The following NUP107 variants were observed in gnomAD, a reference collection of about 807,000 sequenced individuals.
NUP107 encodes nuclear pore complex protein Nup107.
In NUP107, 101 loss-of-function variants were observed where a neutral mutation model predicts 141.0. The ratio of observed to expected loss-of-function variants is 0.72; its 90% CI spans 0.61 to 0.84. NUP107 has a LOEUF of 0.84. NUP107 is among the 40% of genes least tolerant of loss of function. NUP107 has a pLI of 0.00. For synonymous variants in NUP107, 319 were observed against 363.9 expected (o/e 0.88, Z 1.41); for missense variants, 941 against 1,102.7 (o/e 0.85, Z 2.08).
intron 10 of NUP107, 46 bp from the exon 11 acceptor site, chr12:68,713,684 A>T: frequency 7.5e-7 from 1 of 1,329,348 alleles, no homozygotes; most frequent in Non-Finnish European, 1.1e-6. Flanking sequence ...AAATAGACCT[A>T]TTAAAATTAC....
chr12:68,742,418 C>G lies in NUP107; in HGVS notation c.2734C>G (p.Leu912Val). The G allele has an allele frequency of 1.2e-6, 2 of 1,609,270 alleles. No individual in the cohort carries two copies. The highest frequency in any genetic ancestry group is 8.5e-7 in the Non-Finnish European group (1 of 1,177,162). Residue 912 changes from leucine (L) to valine (V), a missense_variant, in exon 28 of 28, where the codon CTA (leucine) becomes GTA (valine). Coordinates refer to ENST00000229179, the MANE Select transcript of NUP107 (RefSeq NM_020401.4). ...GCTCAGAGAGTCCTCTCTAATGCTC[C>G]TAGACCAGGGACTTGACCCATTAGG... The part of the protein sequence containing the change: ...QKLRESSLML[L>V]DQGLDPLGYE...
In NUP107 at chr12:68,689,532, G is replaced by A; in HGVS notation, c.101-1G>A. The A allele has an allele frequency of 1.3e-6, 2 of 1,595,958 alleles. No homozygotes were observed. The highest frequency in any genetic ancestry group is 1.1e-5 in the South Asian group (1 of 89,612). ...AAAACTTTTCTTAACTCGTTGTACA[G>A]TTCAGGCATCTCAAGATGAAAATTT... On this transcript the variant is annotated splice_acceptor_variant, in intron 2 of 27. Transcript: ENST00000229179. LOFTEE classifies it high-confidence loss of function.
intron 26 of NUP107, among the ~76,000 whole-genome samples, chr12:68,737,457 C>A (rs903284646): frequency 6.7e-6 from 1 of 149,404 alleles, no homozygotes; most frequent in Non-Finnish European, 1.5e-5. Flanking sequence ...GTCCCAGCTA[C>A]TAGTGAGGCA....
At chr12:68,696,793 C>CTTTT (rs35640989) in intron 5 of NUP107, 26 bp from the exon 6 acceptor site, 52 of 1,027,582 alleles carry the variant, frequency 5.1e-5, no homozygotes, top group Middle Eastern at 2.4e-4. Context: ...TTCTTTATTC[C>CTTTT]TTTTTTTTTT....
rs941554837 is a variant in NUP107, at chr12:68,724,317, T to TA, written c.1507-1406dup. Among the ~76,000 whole-genome samples, 33 of 152,108 alleles carry TA rather than the reference T, an allele frequency of 2.2e-4. 1 individual carries two copies. Among genetic ancestry groups the TA allele is most frequent in the African/African-American group, 8.0e-4 (33 of 41,490 alleles). ...AACTATAGAATCTTACTGAAGGACA[T>TA]AAAATAAGACATAAATAAATAGATA... On this transcript the variant is annotated intron_variant, in intron 17 of 27. Transcript: ENST00000229179.
chr12:68,688,560 A>C (rs995354961), intron 1 of NUP107, among the ~76,000 whole-genome samples: 1 of 152,186 alleles, frequency 6.6e-6, no homozygotes, highest in Admixed American at 6.5e-5. Context: ...CCATGGTTTA[A>C]AGCATTTTGG....
At chr12:68,697,399 G>A (rs903787877) in intron 6 of NUP107, among the ~76,000 whole-genome samples, 8 of 145,492 alleles carry the variant, frequency 5.5e-5, no homozygotes, top group African/African-American at 2.0e-4. Flanking sequence ...ACTCCAGCCA[G>A]GGTGACAGAG....
At chr12:68,739,733 A>T (rs994237432) in intron 26 of NUP107, 3 of 152,112 alleles carry the variant, frequency 2.0e-5, no homozygotes, top group Non-Finnish European at 4.4e-5. Flanking sequence ...GCTACTCGGG[A>T]GGCTGAGGCA....
chr12:68,725,873 G>A (rs1877544665), intron 18 of NUP107, 77 bp downstream of exon 18: 8 of 709,948 alleles, frequency 1.1e-5, no homozygotes, highest in Non-Finnish European at 1.1e-5. Context: ...GTCTCACCCT[G>A]TTGCCCAGAC....
chr12:68,721,071 C>A, intron 14 of NUP107, 47 bp from the exon 15 acceptor site: 1 of 1,284,546 alleles, frequency 7.8e-7, no homozygotes, highest in Non-Finnish European at 1.1e-6. Flanking sequence ...AATTGACATA[C>A]TAAGAAAAAC....
At chr12:68,719,556 A>C in intron 13 of NUP107, 22 bp from the exon 14 acceptor site, 1 of 1,595,320 alleles carries the variant, frequency 6.3e-7, no homozygotes, top group Non-Finnish European at 8.6e-7. Flanking sequence ...TAAACCAGAA[A>C]TTTTCTTTTG....
rs7976871 is a variant in NUP107, at chr12:68,731,733, G to T, written c.1998+14G>T. ...GGCACTACTGAGGTAATTTGGGATG[G>T]GGGGGCAGAGGTTTCTATAACTTCT... On this transcript the variant is annotated intron_variant, in intron 22 of 27. Transcript: ENST00000229179. 358,484 of 1,356,540 alleles carry T rather than the reference G, an allele frequency of 0.26. 48,838 individuals carry two copies. Among genetic ancestry groups the T allele is most frequent in the Middle Eastern group, 0.3 (1,669 of 5,492 alleles). 84.0% of individuals were successfully genotyped at this position (1,356,540 alleles called of 1,614,324 possible). A position where few individuals can be genotyped will look rare whatever the true frequency, so the allele number is the denominator to read the frequency against.
intron 26 of NUP107, among the ~76,000 whole-genome samples, chr12:68,741,569 C>T (rs931630922): frequency 3.3e-5 from 5 of 151,940 alleles, no homozygotes; most frequent in Non-Finnish European, 7.4e-5. Context: ...ATTCAGTTTC[C>T]AACTCATTCT....
intron 8 of NUP107, among the ~76,000 whole-genome samples, chr12:68,704,107 T>C (rs1876464426): frequency 6.6e-6 from 1 of 152,238 alleles, no homozygotes; most frequent in South Asian, 2.1e-4. Context: ...TGAATGTTTT[T>C]CTTCATACAT....
At chr12:68,695,999 C>T (rs1876030874) in intron 5 of NUP107, among the ~76,000 whole-genome samples, 1 of 147,976 alleles carries the variant, frequency 6.8e-6, no homozygotes, top group Non-Finnish European at 1.5e-5. Context: ...AGAGCAAGAT[C>T]CCCCTCTCTT....
intron 10 of NUP107, 150 bp downstream of exon 10, chr12:68,710,243 C>T (rs1022972197): frequency 3.4e-5 from 18 of 524,708 alleles, no homozygotes; most frequent in African/African-American, 3.4e-4. Flanking sequence ...AAAGGCTTTG[C>T]CTTTATGGAA....
At chr12:68,689,230 G>A (rs1042654588) in intron 2 of NUP107, among the ~76,000 whole-genome samples, 177 bp downstream of exon 2, 2 of 152,062 alleles carry the variant, frequency 1.3e-5, no homozygotes, top group African/African-American at 4.8e-5. Context: ...TAATGAGATC[G>A]TATTTCCCTA....
At chr12:68,721,311 T>C (rs1877340474) in intron 15 of NUP107, 134 bp downstream of exon 15, 1 of 533,292 alleles carries the variant, frequency 1.9e-6, no homozygotes, top group Non-Finnish European at 3.3e-6. Context: ...GTAGCAATGA[T>C]AGAGATAATC....
chr12:68,695,366 C>T (rs1876001322), intron 5 of NUP107, among the ~76,000 whole-genome samples: 1 of 152,110 alleles, frequency 6.6e-6, no homozygotes, highest in Admixed American at 6.6e-5. Flanking sequence ...AGAAGCAAGC[C>T]AAGTACCTGT....
Sources: allele counts gnomAD v4.1 joint callset (sites outside exome capture counted in the v4.1 genomes callset), GRCh38; gene constraint gnomAD v4.1.1; transcripts MANE v1.5; gene names NCBI Gene and HGNC (gene_info 2026-07-23, HGNC 2026-07-21).